The following PSD3 variants were observed in gnomAD, a reference collection of about 807,000 sequenced individuals.
The protein encoded by PSD3 is PH and SEC7 domain-containing protein 3.
PSD3 carries 49 observed loss-of-function variants against 105.5 expected under a neutral mutation model. The observed-to-expected ratio is 0.46, with a 90% CI of 0.37 to 0.59. The LOEUF (loss-of-function observed/expected upper bound fraction) is 0.59. Among genes scored for constraint, PSD3 ranks in the 20% least tolerant of loss-of-function variants. PSD3 has a pLI of 0.00. For missense variants in PSD3, 1,561 were observed against 1,263.8 expected (o/e 1.24, Z -3.57); for synonymous variants, 557 against 457.8 (o/e 1.22, Z -2.77).
At position 18,936,112 on chromosome 8, in the gene PSD3, A is replaced by G; in HGVS notation, c.52T>C (p.Ser18Pro). 6.2e-7 allele frequency: 1 copy of G among 1,613,210 alleles called. No homozygotes were observed. The highest frequency in any genetic ancestry group is 8.5e-7 in the Non-Finnish European group (1 of 1,179,770). Residue 18 changes from serine (S) to proline (P), a missense_variant, in exon 2 of 16, where the codon TCT (serine) becomes CCT (proline). Transcript: ENST00000327040. ...TTGGCAACACTCTGGGAATGTGCAG[A>G]TGCATTGTTCACCCAAACAAATGTC... ...AETFVWVNNA[S>P]AHSQSVAKAK...
rs773701352 is a variant in PSD3, at chr8:18,620,342, G to GTGTTT, written c.2410+12270_2410+12271insAAACA. ...CTTACTGAAGGGTTCTTGGGTTTGT[G>GTGTTT]TTTTTTTTTTTTTTTTTTCCCCAGG... On this transcript the variant is annotated intron_variant, in intron 11 of 15. Transcript: ENST00000327040. Among the ~76,000 whole-genome samples, 320 of 121,720 alleles carry GTGTTT rather than the reference G, an allele frequency of 2.6e-3. 1 individual carries two copies. Among genetic ancestry groups the GTGTTT allele is most frequent in the Middle Eastern group, 0.01 (2 of 200 alleles). 79.9% of individuals were successfully genotyped at this position (121,720 alleles called of 152,430 possible).
At chr8:18,925,887 C>T (rs4921972) in intron 2 of PSD3, among the ~76,000 whole-genome samples, 6,081 of 152,194 alleles carry the variant, frequency 0.04, 289 homozygotes, top group East Asian at 0.17. Flanking sequence ...AAACCACGTA[C>T]AGTGAATTCT....
At chr8:18,639,661 G>A (rs147729782) in intron 10 of PSD3, among the ~76,000 whole-genome samples, 10 of 152,214 alleles carry the variant, frequency 6.6e-5, no homozygotes, top group African/African-American at 2.4e-4. Flanking sequence ...GAGACTCCCG[G>A]TCATGGCCTT....
At chr8:19,067,899 C>T (rs1829129464) in intron 1 of PSD3, among the ~76,000 whole-genome samples, 1 of 152,164 alleles carries the variant, frequency 6.6e-6, no homozygotes. Context: ...TTCAGCTGAC[C>T]GCAGCTATCT....
At chr8:19,026,701 C>CAAAAA (rs10669321) in intron 1 of PSD3, among the ~76,000 whole-genome samples, 6,557 of 81,824 alleles carry the variant, frequency 0.08, 639 homozygotes, top group Non-Finnish European at 0.12. Flanking sequence ...CACATCTCTA[C>CAAAAA]AAAAAAAAAA....
At chr8:18,873,025 C>T (rs939263001) in intron 2 of PSD3, among the ~76,000 whole-genome samples, 4 of 152,158 alleles carry the variant, frequency 2.6e-5, no homozygotes, top group African/African-American at 9.7e-5. Flanking sequence ...TTCAGAACCT[C>T]AGTTGCTTCA....
intron 4 of PSD3, among the ~76,000 whole-genome samples, chr8:18,811,511 T>C (rs1036669863): frequency 9.2e-5 from 14 of 152,172 alleles, no homozygotes; most frequent in Non-Finnish European, 1.5e-4. Context: ...TATTAGAAGG[T>C]GACGTTTGCT....
chr8:18,616,777 C>T (rs1805716393), intron 11 of PSD3, among the ~76,000 whole-genome samples: 1 of 150,796 alleles, frequency 6.6e-6, no homozygotes, highest in South Asian at 2.1e-4. Flanking sequence ...GCGCCCGCCA[C>T]CACGCCCGGC....
intron 1 of PSD3, among the ~76,000 whole-genome samples, chr8:18,996,007 C>A (rs756523780): frequency 1.7e-4 from 26 of 151,970 alleles, no homozygotes; most frequent in Non-Finnish European, 3.4e-4. Flanking sequence ...CACTCCAGAA[C>A]TAAAGAATCA....
intron 11 of PSD3, among the ~76,000 whole-genome samples, chr8:18,629,341 T>C (rs1329853064): frequency 2.0e-5 from 3 of 152,020 alleles, no homozygotes; most frequent in Non-Finnish European, 2.9e-5. Flanking sequence ...AATCTTACTC[T>C]TTTACTCCTA....
intron 8 of PSD3, among the ~76,000 whole-genome samples, chr8:18,789,482 A>G (rs574755874): frequency 1.3e-5 from 2 of 152,328 alleles, no homozygotes; most frequent in African/African-American, 4.8e-5. Context: ...AATGCAATTT[A>G]AAAATCTTAT....
chr8:18,554,997 G>A lies in PSD3; in HGVS notation c.2928+1212C>T, dbSNP rs535992627. 2.6e-5 allele frequency among the ~76,000 whole-genome samples: 4 copies of A among 152,202 alleles called. No homozygotes were observed. The South Asian group carries it at 6.2e-4, about 24-fold the overall frequency. ...GGAGGCCAGTGTGGGAAAGACGGAC[G>A]TTGTGGAAACGTGGAGACGCCAAAT... On this transcript the variant is annotated intron_variant, in intron 15 of 15. Transcript: ENST00000327040.
chr8:18,984,678 T>G (rs1470839805), intron 1 of PSD3, among the ~76,000 whole-genome samples: 7 of 152,186 alleles, frequency 4.6e-5, no homozygotes. Context: ...TACAAAAATG[T>G]TGAGGTTTTT....
intron 9 of PSD3, among the ~76,000 whole-genome samples, chr8:18,755,520 A>G (rs1201720307): frequency 6.6e-6 from 1 of 151,842 alleles, no homozygotes; most frequent in African/African-American, 2.4e-5. Flanking sequence ...TCAAACGTCT[A>G]TGGATGCATC....
intron 9 of PSD3, among the ~76,000 whole-genome samples, chr8:18,700,675 C>A (rs1233359698): frequency 6.6e-6 from 1 of 152,238 alleles, no homozygotes; most frequent in Non-Finnish European, 1.5e-5. Context: ...CACCATCACA[C>A]TGAAGACCAA....
chr8:18,885,732 G>C (rs995845522), intron 2 of PSD3, among the ~76,000 whole-genome samples: 2 of 152,118 alleles, frequency 1.3e-5, no homozygotes, highest in Admixed American at 6.5e-5. Context: ...ATAAACAATT[G>C]TCCCAAGTAT....
intron 8 of PSD3, among the ~76,000 whole-genome samples, chr8:18,787,656 A>G (rs1421486802): frequency 6.6e-6 from 1 of 152,160 alleles, no homozygotes; most frequent in African/African-American, 2.4e-5. Context: ...CAACAATTTA[A>G]GGCTACTCTC....
At chr8:18,598,869 A>T (rs1804232169) in intron 12 of PSD3, among the ~76,000 whole-genome samples, 1 of 152,126 alleles carries the variant, frequency 6.6e-6, no homozygotes, top group Non-Finnish European at 1.5e-5. Context: ...AAAACTATAA[A>T]ACACTGCTGA....
intron 1 of PSD3, among the ~76,000 whole-genome samples, chr8:19,083,858 A>G (rs1249360725): frequency 6.6e-6 from 1 of 152,238 alleles, no homozygotes; most frequent in Non-Finnish European, 1.5e-5. Context: ...GAAAATGCCT[A>G]GCACATCACA....
Sources: gnomAD v4.1 joint callset for allele counts (sites outside exome capture counted in the v4.1 genomes callset) on GRCh38, gnomAD v4.1.1 for gene constraint, MANE v1.5 for transcripts, NCBI Gene and HGNC (gene_info 2026-07-23, HGNC 2026-07-21) for gene names.